The following TRPA1 variants were observed in gnomAD, a reference collection of about 807,000 sequenced individuals.
The protein encoded by TRPA1 is ankyrin-like with transmembrane domains 1.
Under a neutral mutation model 131.3 loss-of-function variants are expected in TRPA1, and 129 were observed. The ratio of observed to expected loss-of-function variants is 0.98; its 90% CI spans 0.85 to 1.14. TRPA1 has a LOEUF of 1.14. Among genes scored for constraint, TRPA1 ranks in the 50% most tolerant of loss-of-function variants. TRPA1 has a pLI of 0.00. For synonymous variants in TRPA1, 441 were observed against 451.7 expected, an observed-to-expected ratio of 0.98 and a Z score of 0.30; for missense variants, 1,304 against 1,354.2, an observed-to-expected ratio of 0.96 and a Z score of 0.58.
At chr8:72,077,133 C>G (rs1210324790), upstream of TRPA1, among the ~76,000 whole-genome samples, 1 of 152,086 alleles carries the variant, frequency 6.6e-6, no homozygotes, top group Non-Finnish European at 1.5e-5. Flanking sequence ...TGATCGATTG[C>G]TTTTCTCACA....
upstream of TRPA1, among the ~76,000 whole-genome samples, chr8:72,079,685 T>C (rs954482625): frequency 6.6e-6 from 1 of 151,986 alleles, no homozygotes; most frequent in African/African-American, 2.4e-5. Flanking sequence ...GAAGGATGCC[T>C]TGATGGCTGA....
the TRPA1 span, among the ~76,000 whole-genome samples, chr8:72,088,856 C>T: frequency 6.6e-6 from 1 of 152,122 alleles, no homozygotes; most frequent in Non-Finnish European, 1.5e-5. Context: ...CACAGGTTAT[C>T]CAAAGCAGCA....
chr8:72,037,959 A>C, intron 20 of TRPA1, 24 bp downstream of exon 20: 2 of 1,370,906 alleles, frequency 1.5e-6, no homozygotes, highest in South Asian at 1.2e-5. Flanking sequence ...GTGCAACTTT[A>C]GAGATACAAA....
At chr8:72,066,772 A>G (rs1805941379) in intron 3 of TRPA1, among the ~76,000 whole-genome samples, 1 of 152,182 alleles carries the variant, frequency 6.6e-6, no homozygotes, top group African/African-American at 2.4e-5. Context: ...TTGCCCTCTT[A>G]GAATCATAGA....
At chr8:72,028,550 G>T (rs942727338) in intron 24 of TRPA1, among the ~76,000 whole-genome samples, 2 of 152,046 alleles carry the variant, frequency 1.3e-5, no homozygotes. Flanking sequence ...ATTTTTTCCT[G>T]TACCTGATCC....
At chr8:72,087,648 A>ATATATATT in the TRPA1 span, among the ~76,000 whole-genome samples, 3 of 150,108 alleles carry the variant, frequency 2.0e-5, no homozygotes, top group African/African-American at 7.3e-5. Flanking sequence ...ATATATATAT[A>ATATATATT]TTTTAATTGC....
chr8:72,052,994 T>TGTGTGTGTGTGTGTGTGTGTGATAGATA (rs1491537785), intron 13 of TRPA1: 7 of 331,368 alleles, frequency 2.1e-5, no homozygotes, highest in African/African-American at 2.7e-5. Context: ...TGTGTGTGTG[T>TGTGTGTGTGTGTGTGTGTGTGATAGATA]GAGAGATAGA....
At chr8:72,039,478 A>C (rs1245285931) in intron 18 of TRPA1, among the ~76,000 whole-genome samples, 1 of 152,086 alleles carries the variant, frequency 6.6e-6, no homozygotes, top group African/African-American at 2.4e-5. Flanking sequence ...ATTTTATTTA[A>C]TGATAAGGAT....
chr8:72,070,510 A>G lies in TRPA1; in HGVS notation c.268+1201T>C, dbSNP rs139601657. On this transcript the variant is annotated intron_variant, in intron 2 of 26. Coordinates refer to ENST00000262209, the MANE Select transcript of TRPA1 (RefSeq NM_007332.3). ...GCTTTTATCCTCATCCCTTTTCAGA[A>G]ATCATTTTTATTTTTATAGAGGTCA... 2.8e-4 allele frequency among the ~76,000 whole-genome samples: 43 copies of G among 152,286 alleles called. No homozygotes were observed. The East Asian group carries it at 7.3e-3, about 26-fold the overall frequency.
chr8:72,039,721 A>G lies in TRPA1; in HGVS notation c.2132+6T>C. On this transcript the variant is annotated splice_donor_region_variant and intron_variant, in intron 18 of 26. Coordinates refer to ENST00000262209, the MANE Select transcript of TRPA1 (RefSeq NM_007332.3). The stretch of plus-strand genomic sequence containing the variant: ...CATTAAACAAGAAATACTACTCAAT[A>G]CCCACCATTTCATGAGTAAATATTC... 1.3e-6 allele frequency: 2 copies of G among 1,580,610 alleles called. No individual in the cohort carries two copies. Among genetic ancestry groups the G allele is most frequent in the Non-Finnish European group, 1.7e-6 (2 of 1,150,226 alleles).
Position 72,057,706 on chromosome 8 carries a change from C to A in TRPA1, c.1093+11G>T. 6.2e-7 allele frequency: 1 copy of A among 1,606,232 alleles called. No individual in the cohort carries two copies. The highest frequency in any genetic ancestry group is 8.5e-7 in the Non-Finnish European group (1 of 1,173,184). ...GCACTTCAAAAGACTTGGCTTGTTC[C>A]CTCTTGGTACCTTTAGAGAGTAGCA... On this transcript the variant is annotated intron_variant, in intron 9 of 26. Transcript: ENST00000262209.
At chr8:72,079,159 AT>A (rs1463745129), upstream of TRPA1, among the ~76,000 whole-genome samples, 1 of 151,948 alleles carries the variant, frequency 6.6e-6, no homozygotes, top group Non-Finnish European at 1.5e-5. Context: ...CAGATAAATA[AT>A]TTGCAAAGTT....
intron 3 of TRPA1, among the ~76,000 whole-genome samples, chr8:72,065,975 GA>G (rs1045464328): frequency 4.6e-5 from 7 of 152,142 alleles, no homozygotes; most frequent in African/African-American, 1.4e-4. Flanking sequence ...GAGAGTAAAA[GA>G]GAGAGAAAGA....
chr8:72,054,006 C>T (rs1446262911), intron 12 of TRPA1, 139 bp from the exon 13 acceptor site: 2 of 669,538 alleles, frequency 3.0e-6, no homozygotes, highest in Non-Finnish European at 5.4e-6. Flanking sequence ...ATTTATAAAA[C>T]ATTTATAATA....
At chr8:72,037,861 T>C (rs1366337997) in intron 20 of TRPA1, 122 bp downstream of exon 20, 2 of 693,804 alleles carry the variant, frequency 2.9e-6, no homozygotes, top group Non-Finnish European at 5.3e-6. Flanking sequence ...TTCTAATCTA[T>C]ATGGTAGTCA....
rs1483710680 is a variant in TRPA1, at chr8:72,062,889, T to C, written c.717A>G (p.Lys239=). The C allele has an allele frequency of 1.2e-6, 2 of 1,614,014 alleles. No homozygotes were observed. Among genetic ancestry groups the C allele is most frequent in the South Asian group, 2.2e-5 (2 of 91,080 alleles). Residue 239 remains lysine (K), a synonymous_variant, in exon 6 of 27, where the codon AAA becomes AAG. Transcript: ENST00000262209. ...GCACAGCCAGGTGGAGAGGGGTGGC[T>C]TTCCCATTATTCATAAAGTTAATGT... ...QLHINFMNNG[K]ATPLHLAVQN... is the part of the protein sequence containing the mutation.
At chr8:72,037,868 G>A in intron 20 of TRPA1, 115 bp downstream of exon 20, 1 of 707,960 alleles carries the variant, frequency 1.4e-6, no homozygotes. Flanking sequence ...CTATATGGTA[G>A]TCAAGCTATG....
intron 8 of TRPA1, among the ~76,000 whole-genome samples, chr8:72,059,005 T>TC (rs1180846579): frequency 1.3e-5 from 2 of 152,074 alleles, no homozygotes; most frequent in South Asian, 2.1e-4. Flanking sequence ...GATAGGAGTT[T>TC]CCCCCCGTGC....
chr8:72,024,778 A>C (rs1488784722), intron 25 of TRPA1, among the ~76,000 whole-genome samples: 1 of 152,134 alleles, frequency 6.6e-6, no homozygotes, highest in Admixed American at 6.6e-5. Flanking sequence ...GGATTGAGAA[A>C]TCAGTTGCTG....
Sources: gnomAD v4.1 joint callset for allele counts (sites outside exome capture counted in the v4.1 genomes callset) on GRCh38, gnomAD v4.1.1 for gene constraint, MANE v1.5 for transcripts, NCBI Gene and HGNC (gene_info 2026-07-23, HGNC 2026-07-21) for gene names.